Variants in COL18A1 observed in about 807,000 individuals in gnomAD.
COL18A1 encodes collagen type XVIII alpha 1 chain.
COL18A1 carries 133 observed loss-of-function variants against 168.0 expected under a neutral mutation model. That is an observed-to-expected ratio of 0.79 (90% CI 0.69 to 0.91). The LOEUF (loss-of-function observed/expected upper bound fraction) is 0.91. COL18A1 is among the 40% of genes least tolerant of loss of function. The probability of loss-of-function intolerance (pLI) is 0.00; values close to 1 mark genes in which losing one functional copy is unlikely to be tolerated. For synonymous variants in COL18A1, 949 were observed against 809.0 expected, an observed-to-expected ratio of 1.17 and a Z score of -2.94; for missense variants, 2,126 against 1,925.4, an observed-to-expected ratio of 1.10 and a Z score of -1.95.
chr21:45,469,089 G>A (rs2035319849), intron 3 of COL18A1, among the ~76,000 whole-genome samples: 1 of 152,190 alleles, frequency 6.6e-6, no homozygotes, highest in African/African-American at 2.4e-5. Flanking sequence ...AGACCCCGAG[G>A]CCCAGCCCAG....
At chr21:45,509,702 T>G in intron 39 of COL18A1, 101 bp downstream of exon 39, 1 of 780,044 alleles carries the variant, frequency 1.3e-6, no homozygotes, top group Non-Finnish European at 2.2e-6. Context: ...GTCCCAGGCT[T>G]CGGCCATGGG....
rs55674958 is a variant in COL18A1, at chr21:45,506,739, C to T, written c.3216+773C>T. 9.9e-3 allele frequency: 1,279 copies of T among 129,614 alleles called. 7 individuals carry two copies. Among genetic ancestry groups the T allele is most frequent in the Non-Finnish European group, 0.015 (910 of 58,722 alleles). 8.0% of individuals were successfully genotyped at this position (129,614 alleles called of 1,614,324 possible). On this transcript the variant is annotated intron_variant, in intron 37 of 41. Coordinates refer to ENST00000651438, the MANE Select transcript of COL18A1 (RefSeq NM_001379500.1). ...TCCCACCTTCCAACACACCCACCTT[C>T]CTTCTAGAGCCCTCCCACCTTCCCT...
Position 45,480,473 on chromosome 21 carries a change from A to G in COL18A1, c.1405A>G (p.Ile469Val). ...CTCCGGCTCTTTTCCTCAGACCTTC[A>G]TTGACATGGAGGGATCTGGCTTCGG... ...PSFRHDKLTF[I>V]DMEGSGFGGD... Residue 469 changes from isoleucine (I) to valine (V), a missense_variant, in exon 12 of 42, where the codon ATT (isoleucine) becomes GTT (valine). Ile to Val is a conservative substitution (Grantham distance 29). Transcript: ENST00000651438. The G allele has an allele frequency of 1.2e-6, 2 of 1,613,996 alleles. No individual in the cohort carries two copies. The highest frequency in any genetic ancestry group is 1.3e-5 in the African/African-American group (1 of 74,990).
At chr21:45,479,209 C>A (rs2035794784) in intron 9 of COL18A1, among the ~76,000 whole-genome samples, 1 of 152,070 alleles carries the variant, frequency 6.6e-6, no homozygotes, top group African/African-American at 2.4e-5. Context: ...TCCACACGTA[C>A]ACATACCACA....
At chr21:45,460,795 T>G (rs1049877859) in intron 2 of COL18A1, among the ~76,000 whole-genome samples, 2 of 152,236 alleles carry the variant, frequency 1.3e-5, no homozygotes, top group African/African-American at 4.8e-5. Context: ...TGGCTAAGCT[T>G]CTCGTAAATT....
At chr21:45,507,706 T>A in intron 38 of COL18A1, 113 bp downstream of exon 38, 2 of 1,007,002 alleles carry the variant, frequency 2.0e-6, no homozygotes, top group Non-Finnish European at 3.1e-6. Context: ...GAGCTGAACA[T>A]GTGGCTCACC....
chr21:45,493,317 A>T, intron 25 of COL18A1, 92 bp downstream of exon 25: 1 of 1,423,062 alleles, frequency 7.0e-7, no homozygotes, highest in Non-Finnish European at 9.7e-7. Flanking sequence ...GGGACCTGGG[A>T]CCCCCCGGCT....
intron 34 of COL18A1, among the ~76,000 whole-genome samples, chr21:45,504,866 G>A (rs2037096098): frequency 6.6e-6 from 1 of 152,086 alleles, no homozygotes; most frequent in South Asian, 2.1e-4. Context: ...AGTCCTGAAA[G>A]ACTCCAGAGA....
chr21:45,439,014 C>T (rs947315585), intron 2 of COL18A1, among the ~76,000 whole-genome samples: 1 of 152,202 alleles, frequency 6.6e-6, no homozygotes, highest in African/African-American at 2.4e-5. Flanking sequence ...TTGGCAGGGC[C>T]GTTCCCAGCG....
chr21:45,485,198 G>A (rs141162457), intron 15 of COL18A1, among the ~76,000 whole-genome samples: 3,172 of 125,120 alleles, frequency 0.025, 52 homozygotes, highest in Middle Eastern at 0.096. Flanking sequence ...GCAGGGTTTC[G>A]TCATGATGGC....
chr21:45,452,419 T>C (rs1251258136), intron 2 of COL18A1, among the ~76,000 whole-genome samples: 1 of 152,144 alleles, frequency 6.6e-6, no homozygotes, highest in Non-Finnish European at 1.5e-5. Flanking sequence ...TGTGTATATA[T>C]GTGAGCTTGT....
rs1455342006 is a variant in COL18A1 at position 45,455,897 on chromosome 21, A to G, written c.107-12345A>G. On this transcript the variant is annotated intron_variant, in intron 2 of 41. Transcript: ENST00000651438. ...CCTGAACGTGGCCAAAGGCATCCGG[A>G]GCTTCGTCCAGCTGTGGAATGACAC... 1.9e-6 allele frequency: 3 copies of G among 1,613,016 alleles called. No homozygotes were observed. Among genetic ancestry groups the G allele is most frequent in the Admixed American group, 3.3e-5 (2 of 60,024 alleles).
At position 45,486,918 on chromosome 21, in the gene COL18A1, GC is replaced by G; in HGVS notation, c.1764del (p.Gly589AspfsTer135). Reference sequence around the variant, plus strand: ...TCGTGGGGAGAGCGGCCTGGCAGGAGCCCCCGGACCTGCTGGACCACCAGGC... The same window carrying G: ...TCGTGGGGAGAGCGGCCTGGCAGGAGCCCCGGACCTGCTGGACCACCAGGC... ...GARGESGLAG[A>X]PGPAGPPGPP... On this transcript the variant is annotated frameshift_variant, in exon 16 of 42. Coordinates refer to ENST00000651438, the MANE Select transcript of COL18A1 (RefSeq NM_001379500.1). LOFTEE classifies it high-confidence loss of function. The G allele has an allele frequency of 3.3e-6, 5 of 1,520,482 alleles. No individual in the cohort carries two copies. The highest frequency in any genetic ancestry group is 2.1e-5 in the Admixed American group (1 of 47,614). The allele number at this position is 1,520,482 out of a possible 1,614,324, so 94.2% of individuals were successfully genotyped here.
intron 2 of COL18A1, among the ~76,000 whole-genome samples, chr21:45,442,367 C>G (rs947155735): frequency 6.6e-6 from 1 of 152,216 alleles, no homozygotes. Flanking sequence ...GTGGGGAGGG[C>G]CCCTCACTCT....
chr21:45,500,436 G>A (rs1490904709), intron 32 of COL18A1, among the ~76,000 whole-genome samples: 5 of 139,850 alleles, frequency 3.6e-5, no homozygotes, highest in Non-Finnish European at 7.8e-5. Flanking sequence ...TGTGTGTGGA[G>A]TGTGGCTATG....
intron 39 of COL18A1, 111 bp from the exon 40 acceptor site, chr21:45,509,953 G>A (rs949340131): frequency 7.0e-5 from 89 of 1,268,516 alleles, no homozygotes; most frequent in South Asian, 9.9e-5. Context: ...CCCGCTCAGC[G>A]CCCCTCGGCC....
rs2033769241 is a variant in COL18A1, at chr21:45,425,448, A to AC, written c.106+19980dup. On this transcript the variant is annotated intron_variant, in intron 2 of 41. Transcript: ENST00000651438. The surrounding 1 kb of genome is among the most constrained non-coding windows in gnomAD (Gnocchi z 4.1). Reference sequence around the variant, plus strand: ...CCCCAAGAGGTGTGCATGGAGGTGGACCCCCTGCCTCACCCTCGGGTGGCC... The same window carrying AC: ...CCCCAAGAGGTGTGCATGGAGGTGGACCCCCCTGCCTCACCCTCGGGTGGCC... Among the ~76,000 whole-genome samples, 1 of 151,776 alleles carries AC rather than the reference A, an allele frequency of 6.6e-6. No homozygotes were observed. Among genetic ancestry groups the AC allele is most frequent in the Admixed American group, 6.6e-5 (1 of 15,252 alleles).
chr21:45,437,856 ACACT>A lies in COL18A1; in HGVS notation c.107-30382_107-30379del, dbSNP rs200414381. On this transcript the variant is annotated intron_variant, in intron 2 of 41. Coordinates refer to ENST00000651438, the MANE Select transcript of COL18A1 (RefSeq NM_001379500.1). Reference sequence around the variant, plus strand: ...GACAAGCACTCTCCTGCACACACTCACACTCACACTCAGACACACAGGCACTCTC... The same window carrying A: ...GACAAGCACTCTCCTGCACACACTCACACACTCAGACACACAGGCACTCTC... Among the ~76,000 whole-genome samples, 14 of 64,868 alleles carry A rather than the reference ACACT, an allele frequency of 2.2e-4. 4 individuals carry two copies. Among genetic ancestry groups the A allele is most frequent in the African/African-American group, 1.2e-3 (8 of 6,638 alleles). The allele number at this position is 64,868 out of a possible 152,430, so 42.6% of individuals were successfully genotyped here.
chr21:45,478,227 T>C, intron 8 of COL18A1, 100 bp from the exon 9 acceptor site: 1 of 1,521,362 alleles, frequency 6.6e-7, no homozygotes, highest in Non-Finnish European at 9.1e-7. Context: ...GTCTGCCGCC[T>C]CGTGGGGACT....
Sources: allele counts gnomAD v4.1 joint callset (sites outside exome capture counted in the v4.1 genomes callset), GRCh38; gene constraint gnomAD v4.1.1; non-coding constraint Gnocchi (gnomAD v3.1); transcripts MANE v1.5; gene names NCBI Gene and HGNC (gene_info 2026-07-23, HGNC 2026-07-21).